PZP: variants seen among roughly 807,000 people sequenced by gnomAD.
The protein encoded by PZP is PZP alpha-2-macroglobulin like, also known as pregnancy zone protein.
In PZP, 150 loss-of-function variants were observed where a neutral mutation model predicts 179.8. That is an observed-to-expected ratio of 0.83 (90% CI 0.73 to 0.96). The LOEUF is 0.96. Among genes scored for constraint, PZP ranks in the 40% least tolerant of loss-of-function variants. PZP has a pLI of 0.00. For missense variants in PZP, 1,689 were observed against 1,764.0 expected (o/e 0.96, Z 0.76); for synonymous variants, 624 against 652.3 (o/e 0.96, Z 0.66).
At chr12:9,156,959 T>C (rs1257152288) in intron 28 of PZP, among the ~76,000 whole-genome samples, 1 of 152,082 alleles carries the variant, frequency 6.6e-6, no homozygotes, top group Non-Finnish European at 1.5e-5. Flanking sequence ...AGTTCTGGGG[T>C]ACATGTGCAG....
the PZP span, among the ~76,000 whole-genome samples, chr12:9,137,083 A>G: frequency 6.6e-6 from 1 of 152,318 alleles, no homozygotes; most frequent in Non-Finnish European, 1.5e-5. Flanking sequence ...TTTTGGTGTC[A>G]TATCCAAGAA....
At chr12:9,194,462 G>GTTTT (rs5796342) in intron 10 of PZP, among the ~76,000 whole-genome samples, 1 of 90,806 alleles carries the variant, frequency 1.1e-5, no homozygotes, top group African/African-American at 3.8e-5. Context: ...AAGTCAGGGA[G>GTTTT]TTTTTTTTTT....
Position 9,194,195 on chromosome 12 carries a change from A to C in PZP, c.1136T>G (p.Leu379Arg). Residue 379 changes from leucine to arginine, a missense_variant, in exon 11 of 36, where the codon CTC becomes CGC. Leu to Arg is a moderately radical substitution (Grantham distance 102). This residue lies in a region of PZP where 742 missense variants were observed against 730.5 expected (regional missense o/e 1.02). Transcript: ENST00000261336. ...GGCGTCATTCACAGAGATGAAGAAG[A>C]GTTTATTGGGGATGGGCACACCTTT... ...DGKGVPIPNKLFFISVNDANY... is the reference protein window; with the variant it reads ...DGKGVPIPNKRFFISVNDANY... 1 of 1,614,056 alleles carries C rather than the reference A, an allele frequency of 6.2e-7. No homozygotes were observed. The highest frequency in any genetic ancestry group is 8.5e-7 in the Non-Finnish European group (1 of 1,179,960).
chr12:9,181,179 T>A, intron 14 of PZP, 47 bp from the exon 15 acceptor site: 1 of 1,612,570 alleles, frequency 6.2e-7, no homozygotes, highest in Non-Finnish European at 8.5e-7. Context: ...CCTACTTCTG[T>A]GATCTTGCAG....
intron 18 of PZP, 124 bp from the exon 19 acceptor site, chr12:9,165,491 C>T: frequency 9.3e-7 from 1 of 1,080,414 alleles, no homozygotes; most frequent in Non-Finnish European, 1.3e-6. Flanking sequence ...TGCGAGTGTG[C>T]ATTCGTGTGA....
intron 28 of PZP, among the ~76,000 whole-genome samples, chr12:9,155,263 T>C (rs774080599): frequency 2.0e-5 from 3 of 152,354 alleles, no homozygotes; most frequent in Non-Finnish European, 4.4e-5. Flanking sequence ...GAAAATGTTA[T>C]TGCATTTTCT....
chr12:9,180,776 C>T lies in PZP; in HGVS notation c.1839+207G>A, dbSNP rs1047588507. On this transcript the variant is annotated intron_variant, in intron 15 of 35. Transcript: ENST00000261336. ...ATGTCCAAAACACCAAAAGCAATGG[C>T]AACAAAAGACAAAATTGACAAATGG... Among the ~76,000 whole-genome samples the T allele has an allele frequency of 5.3e-5, 8 of 152,208 alleles. No individual in the cohort carries two copies. The East Asian group carries it at 9.6e-4, about 18-fold the overall frequency.
At chr12:9,149,065 A>G in intron 35 of PZP, 71 bp from the exon 36 acceptor site, 2 of 1,391,978 alleles carry the variant, frequency 1.4e-6, no homozygotes, top group South Asian at 2.3e-5. Context: ...TGTGGGCAGC[A>G]GAGTGAGCTT....
chr12:9,190,726 A>T lies in PZP; in HGVS notation c.1546+1467T>A, dbSNP rs115576676. 2.2e-3 allele frequency among the ~76,000 whole-genome samples: 339 copies of T among 152,318 alleles called. 3 individuals are homozygous for T. Among genetic ancestry groups the T allele is most frequent in the African/African-American group, 7.8e-3 (326 of 41,562 alleles). The stretch of plus-strand genomic sequence containing the variant: ...GTTTTAAACATAATAATAAATAATA[A>T]AATTTGAGAAGATTTCATTATTTAA... On this transcript the variant is annotated intron_variant, in intron 13 of 35. Transcript: ENST00000261336.
the PZP span, among the ~76,000 whole-genome samples, chr12:9,139,670 C>T: frequency 6.6e-6 from 1 of 152,098 alleles, no homozygotes. Context: ...ACCCTTTTAT[C>T]ATTATAAAAT....
At chr12:9,180,838 G>T in intron 15 of PZP, 145 bp downstream of exon 15, 1 of 756,966 alleles carries the variant, frequency 1.3e-6, no homozygotes, top group South Asian at 2.3e-5. Flanking sequence ...CACAGCAAAA[G>T]AAACTACCAT....
intron 17 of PZP, among the ~76,000 whole-genome samples, 177 bp from the exon 18 acceptor site, chr12:9,166,379 A>C (rs749984590): frequency 6.6e-6 from 1 of 152,270 alleles, no homozygotes; most frequent in African/African-American, 2.4e-5. Flanking sequence ...AAAAGAGAGG[A>C]GTCTTTGTCA....
chr12:9,151,508 T>C (rs1002589326), intron 33 of PZP, 96 bp downstream of exon 33: 20 of 998,106 alleles, frequency 2.0e-5, no homozygotes, highest in East Asian at 9.9e-5. Flanking sequence ...GCATTACTAA[T>C]GATTGTTTTC....
At chr12:9,204,779 G>T (rs1944364870) in intron 1 of PZP, among the ~76,000 whole-genome samples, 1 of 152,040 alleles carries the variant, frequency 6.6e-6, no homozygotes, top group Non-Finnish European at 1.5e-5. Context: ...GGGTGGATAG[G>T]TTATCTTTTC....
intron 13 of PZP, among the ~76,000 whole-genome samples, chr12:9,187,077 CA>C (rs59000486): frequency 0.55 from 70,405 of 128,584 alleles, 18,617 homozygotes; most frequent in Admixed American, 0.63. Flanking sequence ...CAAGAAAGGT[CA>C]AAAAAAAAAA....
At chr12:9,142,780 C>G in the PZP span, among the ~76,000 whole-genome samples, 1 of 152,064 alleles carries the variant, frequency 6.6e-6, no homozygotes, top group Non-Finnish European at 1.5e-5. Context: ...ACAAGTAAAG[C>G]TGAGAGACAA....
intron 15 of PZP, among the ~76,000 whole-genome samples, chr12:9,178,219 C>T (rs955316260): frequency 6.6e-6 from 1 of 152,158 alleles, no homozygotes; most frequent in South Asian, 2.1e-4. Context: ...ACAATTCATA[C>T]GTTTTAAATT....
rs570655848 is a variant in PZP at position 9,194,115 on chromosome 12, T to C, written c.1216A>G (p.Asn406Asp). ...TTATTAACCGAGATACTGGTAGTAT[T>C]GATTGAAAACTGTGCAAGACCCTGC... ...NEQGLAQFSI[N>D]TTSISVNKLF... Residue 406 changes from asparagine (N) to aspartate (D), a missense_variant, in exon 11 of 36, where the codon AAT becomes GAT. Physicochemically the swap from Asn to Asp is conservative, Grantham distance 23. Around this residue, in one of 3 missense-constraint regions of PZP, gnomAD observed 742 missense variants for 730.5 expected, o/e 1.02. Coordinates refer to ENST00000261336, the MANE Select transcript of PZP (RefSeq NM_002864.3). 93 of 1,613,870 alleles carry C rather than the reference T, an allele frequency of 5.8e-5. No individual in the cohort carries two copies. Among genetic ancestry groups the C allele is most frequent in the Non-Finnish European group, 3.3e-5 (39 of 1,179,924 alleles).
At chr12:9,155,283 A>T (rs1394194352) in intron 28 of PZP, among the ~76,000 whole-genome samples, 3 of 151,746 alleles carry the variant, frequency 2.0e-5, no homozygotes, top group Non-Finnish European at 2.9e-5. Flanking sequence ...TGTTTGTTGT[A>T]CCTCTTTTCT....
Sources: gnomAD v4.1 joint callset for allele counts (sites outside exome capture counted in the v4.1 genomes callset) on GRCh38, gnomAD v4.1.1 for gene constraint, gnomAD v4.1.1 regional missense constraint, MANE v1.5 for transcripts, NCBI Gene and HGNC (gene_info 2026-07-23, HGNC 2026-07-21) for gene names.